Variants in MRRF observed in about 807,000 individuals in gnomAD.
MRRF encodes the protein ribosome-recycling factor, mitochondrial.
In MRRF, 18 loss-of-function variants were observed where a neutral mutation model predicts 25.1. That is an observed-to-expected ratio of 0.72 (90% CI 0.50 to 1.06). The LOEUF (loss-of-function observed/expected upper bound fraction) is 1.06, where lower values mean the gene tolerates loss of function less well. Ranked by LOEUF, MRRF falls within the 50% of genes least tolerant of loss-of-function variation. The pLI is 0.00. For missense variants in MRRF, 323 were observed against 319.3 expected (o/e 1.01, Z -0.09); for synonymous variants, 113 against 112.1 (o/e 1.01, Z -0.05).
intron 6 of MRRF, among the ~76,000 whole-genome samples, chr9:122,321,895 A>G (rs1835913193): frequency 6.6e-6 from 1 of 152,200 alleles, no homozygotes; most frequent in Non-Finnish European, 1.5e-5. Flanking sequence ...TTGTAGAATA[A>G]TAGTTAAGAA....
rs1217464073 is a variant in MRRF at position 122,329,249 on chromosome 9, A to C, written c.*6632A>C. 6.6e-6 allele frequency: 1 copy of C among 152,146 alleles called. No homozygotes were observed. The highest frequency in any genetic ancestry group is 2.4e-5 in the African/African-American group (1 of 41,408). The allele number at this position is 152,146 out of a possible 1,614,324, so 9.4% of individuals were successfully genotyped here. ...TTATTAGCTTTTCTGAAAGCTAATA[A>C]TTTTGTGCTGCTTTCTCTCACCTTC... is the stretch of plus-strand genomic sequence containing the variant. On this transcript the variant is annotated 3_prime_UTR_variant, in exon 7 of 7. Coordinates refer to ENST00000344641, the MANE Select transcript of MRRF (RefSeq NM_138777.5).
At chr9:122,293,858 A>G (rs1435581760) in intron 5 of MRRF, among the ~76,000 whole-genome samples, 1 of 152,192 alleles carries the variant, frequency 6.6e-6, no homozygotes, top group Non-Finnish European at 1.5e-5. Flanking sequence ...CCACATTTAT[A>G]GATGAAAAAT....
rs1389842894 is a variant in MRRF at position 122,325,110 on chromosome 9, G to A, written c.*2493G>A. The A allele has an allele frequency of 6.6e-6, 1 of 152,134 alleles. No homozygotes were observed. The highest frequency in any genetic ancestry group is 1.5e-5 in the Non-Finnish European group (1 of 68,016). 9.4% of individuals were successfully genotyped at this position (152,134 alleles called of 1,614,324 possible). ...AATTATGTTGTAATTCCACTCCAAAGGCATTTGGTTCTTAACAGCCAAATC... is the reference window on the plus strand; with the variant it reads ...AATTATGTTGTAATTCCACTCCAAAAGCATTTGGTTCTTAACAGCCAAATC... On this transcript the variant is annotated 3_prime_UTR_variant, in exon 7 of 7. Coordinates refer to ENST00000344641, the MANE Select transcript of MRRF (RefSeq NM_138777.5).
chr9:122,299,717 A>G (rs956953556), intron 5 of MRRF, among the ~76,000 whole-genome samples: 14 of 152,176 alleles, frequency 9.2e-5, no homozygotes, highest in African/African-American at 3.1e-4. Context: ...CCAGTGAGGT[A>G]GGAGGAGAAC....
intron 6 of MRRF, among the ~76,000 whole-genome samples, chr9:122,316,587 C>T (rs184327393): frequency 9.5e-4 from 144 of 152,052 alleles, no homozygotes; most frequent in African/African-American, 3.4e-3. Flanking sequence ...TGTCAGAAGG[C>T]CCCAGACTGG....
In MRRF at chr9:122,285,197, T is replaced by A; in HGVS notation, c.369T>A (p.Thr123=). The stretch of plus-strand genomic sequence containing the variant: ...CCCTTGACAAGATTGCTGTGGTAAC[T>A]GCTGACGGGAAGCTTGCTTTAAACC... ...PGSLDKIAVV[T]ADGKLALNQI... Residue 123 remains threonine, a synonymous_variant, in exon 4 of 7, where the codon ACT becomes ACA. Transcript: ENST00000344641. The A allele has an allele frequency of 6.2e-7, 1 of 1,613,770 alleles. No individual in the cohort carries two copies. The highest frequency in any genetic ancestry group is 8.5e-7 in the Non-Finnish European group (1 of 1,179,662).
intron 4 of MRRF, 70 bp downstream of exon 4, chr9:122,285,357 A>G: frequency 1.1e-6 from 1 of 915,318 alleles, no homozygotes; most frequent in South Asian, 1.3e-5. Context: ...TCATATCAGG[A>G]GGAAGTGTTC....
intron 4 of MRRF, chr9:122,285,850 G>A: frequency 2.3e-6 from 3 of 1,285,682 alleles, no homozygotes; most frequent in Non-Finnish European, 2.0e-6. Flanking sequence ...TGTGACCTCT[G>A]CATTAGTATT....
chr9:122,293,867 A>G (rs1291853674), intron 5 of MRRF, among the ~76,000 whole-genome samples: 1 of 152,186 alleles, frequency 6.6e-6, no homozygotes, highest in Admixed American at 6.5e-5. Flanking sequence ...TAGATGAAAA[A>G]TGTGAAGTTC....
In MRRF at chr9:122,271,076, G is replaced by A; in HGVS notation, c.184+1G>A. The A allele has an allele frequency of 6.2e-7, 1 of 1,613,694 alleles. No homozygotes were observed. Among genetic ancestry groups the A allele is most frequent in the Non-Finnish European group, 8.5e-7 (1 of 1,179,564 alleles). On this transcript the variant is annotated splice_donor_variant, in intron 2 of 6. Coordinates refer to ENST00000344641, the MANE Select transcript of MRRF (RefSeq NM_138777.5). LOFTEE classifies it high-confidence loss of function. ...CATTTTGCTACCAAGAAAGCCAAAG[G>A]TAGAGACATGTGACGTTCTCTCCTA...
chr9:122,274,776 ATAT>A (rs1832677791), intron 2 of MRRF, among the ~76,000 whole-genome samples: 1 of 151,686 alleles, frequency 6.6e-6, no homozygotes, highest in Non-Finnish European at 1.5e-5. Context: ...TTCTTTCTTA[ATAT>A]TATTTATCTG....
chr9:122,275,767 C>T (rs907690465), intron 2 of MRRF, among the ~76,000 whole-genome samples: 1 of 152,118 alleles, frequency 6.6e-6, no homozygotes, highest in Non-Finnish European at 1.5e-5. Context: ...GGCAAGGTCT[C>T]GTTTTTTAAG....
At chr9:122,297,203 C>T (rs1389484889) in intron 5 of MRRF, among the ~76,000 whole-genome samples, 2 of 152,120 alleles carry the variant, frequency 1.3e-5, no homozygotes, top group African/African-American at 2.4e-5. Flanking sequence ...ATCCCAGCTA[C>T]TCAGGAAGCT....
intron 4 of MRRF, chr9:122,286,139 C>T (rs962631729): frequency 2.4e-6 from 3 of 1,263,586 alleles, no homozygotes; most frequent in Non-Finnish European, 3.1e-6. Context: ...ACTCTCTGGG[C>T]CTCCATTTCC....
chr9:122,281,467 T>C (rs1833090206), intron 3 of MRRF, among the ~76,000 whole-genome samples: 2 of 152,166 alleles, frequency 1.3e-5, no homozygotes. Flanking sequence ...ATAAACACTA[T>C]CAGAAACATT....
chr9:122,283,531 CAA>C (rs912667661), intron 3 of MRRF, among the ~76,000 whole-genome samples: 8 of 152,194 alleles, frequency 5.3e-5, no homozygotes, highest in African/African-American at 1.9e-4. Context: ...TTCAGAATAA[CAA>C]AGACTTTTAC....
intron 2 of MRRF, among the ~76,000 whole-genome samples, chr9:122,279,214 T>G (rs1265234556): frequency 6.6e-6 from 1 of 152,244 alleles, no homozygotes; most frequent in Admixed American, 6.5e-5. Flanking sequence ...AGCCATTGGT[T>G]TCAAAGCATA....
rs1326334226 is a variant in MRRF at position 122,322,553 on chromosome 9, C to T, written c.725C>T (p.Ala242Val). The T allele has an allele frequency of 1.7e-5, 28 of 1,613,970 alleles. No homozygotes were observed. Among genetic ancestry groups the T allele is most frequent in the Non-Finnish European group, 2.0e-5 (24 of 1,180,014 alleles). The change falls in exon 7 of 7, where the codon GCC becomes GTC. Residue 242 changes from alanine to valine, a missense_variant. Transcript: ENST00000344641. ...GTGTTCTTGCAGATCAGCCAAATGG[C>T]CGATGACACAGTGGCAGAACTGGAC... ...RLIEKQISQM[A>V]DDTVAELDRH...
At chr9:122,297,400 G>A (rs1834158491) in intron 5 of MRRF, among the ~76,000 whole-genome samples, 1 of 152,006 alleles carries the variant, frequency 6.6e-6, no homozygotes, top group Non-Finnish European at 1.5e-5. Flanking sequence ...GCAAAGTCAA[G>A]CATATGTCTG....
Sources: allele counts gnomAD v4.1 joint callset (sites outside exome capture counted in the v4.1 genomes callset), GRCh38; gene constraint gnomAD v4.1.1; transcripts MANE v1.5; gene names NCBI Gene and HGNC (gene_info 2026-07-23, HGNC 2026-07-21).